The following FSD1L variants were observed in gnomAD, a reference collection of about 807,000 sequenced individuals.
FSD1L encodes FSD1-like protein.
A neutral mutation model predicts 71.6 loss-of-function variants in FSD1L; 45 were observed. The observed-to-expected ratio is 0.63, with a 90% CI of 0.49 to 0.81. The LOEUF (loss-of-function observed/expected upper bound fraction) is 0.81. Among genes scored for constraint, FSD1L ranks in the 30% least tolerant of loss-of-function variants. FSD1L has a pLI of 0.00. For missense variants in FSD1L, 561 were observed against 618.1 expected (o/e 0.91, Z 0.98); for synonymous variants, 197 against 207.2 (o/e 0.95, Z 0.42).
chr9:105,489,352 A>G (rs1832766995), intron 7 of FSD1L, among the ~76,000 whole-genome samples: 1 of 152,172 alleles, frequency 6.6e-6, no homozygotes, highest in Non-Finnish European at 1.5e-5. Context: ...TTGTATGTAG[A>G]GTTAATTACT....
intron 10 of FSD1L, among the ~76,000 whole-genome samples, chr9:105,518,153 T>G (rs1834856579): frequency 6.6e-6 from 1 of 152,152 alleles, no homozygotes; most frequent in Admixed American, 6.5e-5. Context: ...GCACCCAGAT[T>G]CATAAAGCAA....
At chr9:105,495,502 ACCCACTGTCCTGCG>A (rs1833315973) in intron 7 of FSD1L, among the ~76,000 whole-genome samples, 1 of 152,054 alleles carries the variant, frequency 6.6e-6, no homozygotes, top group African/African-American at 2.4e-5. Flanking sequence ...GGTGCGCTGC[ACCCACTGTCCTGCG>A]CCCACTGTCT....
Position 105,541,793 on chromosome 9 carries a change from C to T in FSD1L, c.1467+2442C>T, listed in dbSNP as rs370239930. On this transcript the variant is annotated intron_variant, in intron 13 of 13. Transcript: ENST00000481272. ...TCCTTTGTGTTCTTTTATAGTGGAC[C>T]GTTCCACACAACCAGCCCTAGCTAT... 8.7e-4 allele frequency among the ~76,000 whole-genome samples: 133 copies of T among 152,210 alleles called. 2 individuals carry two copies. The South Asian group carries it at 0.021, about 24-fold the overall frequency.
At chr9:105,453,541 CT>C (rs1830184919) in intron 1 of FSD1L, among the ~76,000 whole-genome samples, 1 of 151,880 alleles carries the variant, frequency 6.6e-6, no homozygotes. Context: ...CTGCATGTAT[CT>C]TTCCCCTTTT....
chr9:105,463,353 C>T (rs1316099854), intron 2 of FSD1L, among the ~76,000 whole-genome samples: 1 of 152,122 alleles, frequency 6.6e-6, no homozygotes, highest in African/African-American at 2.4e-5. Context: ...AAAGTACTTG[C>T]ATTTGATTTT....
intron 10 of FSD1L, chr9:105,523,636 C>T (rs1481931157): frequency 1.9e-6 from 3 of 1,609,658 alleles, no homozygotes; most frequent in Admixed American, 3.3e-5. Flanking sequence ...AGAATTCTTA[C>T]ACCTTGGCTT....
At chr9:105,521,552 A>G (rs1835157178) in intron 10 of FSD1L, 4 of 1,613,826 alleles carry the variant, frequency 2.5e-6, no homozygotes, top group Non-Finnish European at 2.5e-6. Flanking sequence ...GAAAAGTGGT[A>G]AAAGTATATC....
intron 10 of FSD1L, among the ~76,000 whole-genome samples, chr9:105,528,887 C>T (rs957398597): frequency 3.3e-5 from 5 of 152,156 alleles, no homozygotes; most frequent in Non-Finnish European, 7.3e-5. Flanking sequence ...ATCCATCTGA[C>T]AAAGGGCTAA....
chr9:105,533,661 T>C (rs1490067406), intron 10 of FSD1L, among the ~76,000 whole-genome samples: 3 of 151,072 alleles, frequency 2.0e-5, no homozygotes. Flanking sequence ...GACTTCGAGA[T>C]CCGCCTGTCT....
intron 10 of FSD1L, chr9:105,522,544 C>G: frequency 1.2e-6 from 2 of 1,613,586 alleles, no homozygotes; most frequent in Non-Finnish European, 1.7e-6. Context: ...CAAATACTTC[C>G]CCGCTCAACT....
chr9:105,510,922 G>A (rs527864446), intron 9 of FSD1L, among the ~76,000 whole-genome samples: 15 of 151,650 alleles, frequency 9.9e-5, no homozygotes, highest in African/African-American at 3.4e-4. Flanking sequence ...TTAAAGATAC[G>A]GGAACCAGTA....
rs959163065 is a variant in FSD1L at position 105,548,973 on chromosome 9, T to C, written c.*2490T>C. 4 of 152,098 alleles carry C rather than the reference T, an allele frequency of 2.6e-5. No homozygotes were observed. The highest frequency in any genetic ancestry group is 9.6e-5 in the African/African-American group (4 of 41,454). The allele number at this position is 152,098 out of a possible 1,614,324, so 9.4% of individuals were successfully genotyped here. A position where few individuals can be genotyped will look rare whatever the true frequency, so the allele number is the denominator to read the frequency against. On this transcript the variant is annotated 3_prime_UTR_variant, in exon 14 of 14. Transcript: ENST00000481272. ...AAACTAATCAAATATAGTGCCTATT[T>C]AGTCTCAAAATAAGGTAACTATTAA...
At position 105,524,536 on chromosome 9, in the gene FSD1L, G is replaced by T. The variant is rs931856940; in HGVS notation, c.1026-9957G>T. The T allele has an allele frequency of 3.1e-6, 5 of 1,613,836 alleles. No individual in the cohort carries two copies. The Admixed American group carries it at 5.0e-5, about 16-fold the overall frequency. On this transcript the variant is annotated intron_variant, in intron 10 of 13. Transcript: ENST00000481272. ...AAAACAGAAAAATCTGTTCTCAATT[G>T]CATTTATAAGGTTTTACATGGGTGT... is the stretch of plus-strand genomic sequence containing the variant.
Position 105,547,402 on chromosome 9 carries a change from T to G in FSD1L, c.*919T>G, listed in dbSNP as rs915011883. ...TAAAGTTACATAGAGGATTGAAAAA[T>G]GTATATCACTCAATTTTTATCTAAG... On this transcript the variant is annotated 3_prime_UTR_variant, in exon 14 of 14. Coordinates refer to ENST00000481272, the MANE Select transcript of FSD1L (RefSeq NM_001145313.3). 6.6e-6 allele frequency: 1 copy of G among 152,468 alleles called. No homozygotes were observed. The highest frequency in any genetic ancestry group is 2.4e-5 in the African/African-American group (1 of 41,436). 9.4% of individuals were successfully genotyped at this position (152,468 alleles called of 1,614,324 possible). A position where few individuals can be genotyped will look rare whatever the true frequency, so the allele number is the denominator to read the frequency against.
intron 5 of FSD1L, chr9:105,472,903 C>T (rs1831565187): frequency 6.6e-6 from 1 of 152,146 alleles, no homozygotes; most frequent in South Asian, 2.1e-4. Context: ...TGAATTAATT[C>T]TTTAAATTTG....
intron 5 of FSD1L, among the ~76,000 whole-genome samples, chr9:105,478,258 C>T (rs372185902): frequency 1.8e-4 from 27 of 152,078 alleles, no homozygotes; most frequent in East Asian, 5.8e-4. Context: ...AAGAAAAAAT[C>T]TGAGTTCTGT....
At chr9:105,487,629 A>T (rs921474294) in intron 7 of FSD1L, among the ~76,000 whole-genome samples, 3 of 152,058 alleles carry the variant, frequency 2.0e-5, no homozygotes, top group Admixed American at 1.3e-4. Flanking sequence ...CTTTTAATGT[A>T]TTAAGGAAGT....
chr9:105,444,315 C>T (rs534431064), upstream of FSD1L, among the ~76,000 whole-genome samples: 8 of 152,270 alleles, frequency 5.3e-5, no homozygotes, highest in East Asian at 1.9e-4. Flanking sequence ...CTATTCTGAT[C>T]GGTATGTTAC....
chr9:105,508,017 G>T (rs1345778424), intron 8 of FSD1L, among the ~76,000 whole-genome samples: 1 of 150,776 alleles, frequency 6.6e-6, no homozygotes, highest in Non-Finnish European at 1.5e-5. Context: ...TCAGCCTCTT[G>T]AGTAGCCACG....
Sources: gnomAD v4.1 joint callset for allele counts (sites outside exome capture counted in the v4.1 genomes callset) on GRCh38, gnomAD v4.1.1 for gene constraint, MANE v1.5 for transcripts, NCBI Gene and HGNC (gene_info 2026-07-23, HGNC 2026-07-21) for gene names.